Variants in KDM1A observed in about 807,000 individuals in gnomAD.
KDM1A encodes the protein lysine demethylase 1A, also known as lysine-specific histone demethylase 1A.
In KDM1A, 49 loss-of-function variants were observed where a neutral mutation model predicts 109.4. The ratio of observed to expected loss-of-function variants is 0.45; its 90% CI spans 0.36 to 0.57. The LOEUF (loss-of-function observed/expected upper bound fraction) is 0.57, where lower values mean the gene tolerates loss of function less well. KDM1A is among the 20% of genes least tolerant of loss of function. The probability of loss-of-function intolerance (pLI) is 0.00; values close to 1 mark genes in which losing one functional copy is unlikely to be tolerated. For synonymous variants in KDM1A, 380 were observed against 415.4 expected, an observed-to-expected ratio of 0.91 and a Z score of 1.04; for missense variants, 668 against 1,116.6, an observed-to-expected ratio of 0.60 and a Z score of 5.73.
chr1:23,075,399 T>C (rs1192727647), intron 15 of KDM1A, among the ~76,000 whole-genome samples: 1 of 149,036 alleles, frequency 6.7e-6, no homozygotes, highest in Non-Finnish European at 1.5e-5. Flanking sequence ...AGCCTGGCCC[T>C]GTCTCTACTA....
intron 15 of KDM1A, among the ~76,000 whole-genome samples, chr1:23,076,255 C>G (rs752137784): frequency 1.6e-4 from 24 of 151,498 alleles, no homozygotes; most frequent in African/African-American, 5.8e-4. Context: ...TACCAGCTTA[C>G]AAAAAAAATG....
At chr1:23,058,919 A>T (rs1642918117) in intron 8 of KDM1A, among the ~76,000 whole-genome samples, 154 bp from the exon 9 acceptor site, 1 of 151,196 alleles carries the variant, frequency 6.6e-6, no homozygotes, top group Non-Finnish European at 1.5e-5. Context: ...TTTGTCTTAC[A>T]TATTTTTACT....
intron 4 of KDM1A, among the ~76,000 whole-genome samples, chr1:23,052,325 TAGG>T (rs935318760): frequency 6.6e-6 from 1 of 152,152 alleles, no homozygotes; most frequent in Non-Finnish European, 1.5e-5. Context: ...TGTTATTTTG[TAGG>T]AGGAGGAGGA....
chr1:23,020,050 C>A (rs769657133), intron 1 of KDM1A, 103 bp downstream of exon 1: 7 of 1,219,146 alleles, frequency 5.7e-6, no homozygotes, highest in Non-Finnish European at 6.4e-6. Flanking sequence ...CCTGCGACCA[C>A]TCAGACCTCC....
intron 1 of KDM1A, among the ~76,000 whole-genome samples, chr1:23,030,112 CTA>C (rs1641937482): frequency 6.6e-6 from 1 of 152,146 alleles, no homozygotes; most frequent in Non-Finnish European, 1.5e-5. Context: ...TTCTAGTTAA[CTA>C]TATTTTTGTC....
intron 15 of KDM1A, among the ~76,000 whole-genome samples, chr1:23,076,446 AC>A (rs1030697978): frequency 7.2e-5 from 11 of 152,108 alleles, no homozygotes; most frequent in Non-Finnish European, 1.2e-4. Context: ...TCAACTTCAA[AC>A]CTGTAAATTT....
chr1:23,040,116 T>C (rs1642263016), intron 2 of KDM1A, among the ~76,000 whole-genome samples: 1 of 152,232 alleles, frequency 6.6e-6, no homozygotes. Flanking sequence ...TTATCTTCTA[T>C]TGGAAAATCG....
At chr1:23,063,857 G>T (rs548019761) in intron 9 of KDM1A, among the ~76,000 whole-genome samples, 1 of 152,228 alleles carries the variant, frequency 6.6e-6, no homozygotes, top group African/African-American at 2.4e-5. Flanking sequence ...GGTGGGAGTG[G>T]GGGGAAGACA....
chr1:23,057,992 T>C (rs1423675959), intron 8 of KDM1A: 1 of 154,576 alleles, frequency 6.5e-6, no homozygotes, highest in Non-Finnish European at 1.4e-5. Context: ...TTGGCCAGGA[T>C]GGTCTCGATC....
chr1:23,023,735 C>T (rs1398057776), intron 1 of KDM1A, among the ~76,000 whole-genome samples: 3 of 152,198 alleles, frequency 2.0e-5, no homozygotes, highest in African/African-American at 7.2e-5. Context: ...AAAAGGGCTG[C>T]TGGGATTCTG....
chr1:23,056,009 G>C lies in KDM1A; in HGVS notation c.961G>C (p.Gly321Arg). ...AGCAGCTCGACAGTTACAAAGTTTT[G>C]GAATGGATGTCACACTTTTGGAAGC... is the stretch of plus-strand genomic sequence containing the variant. Reference protein sequence around the residue: ...LAAARQLQSFGMDVTLLEARD... With the variant: ...LAAARQLQSFRMDVTLLEARD... Residue 321 changes from glycine (G) to arginine (R), a missense_variant, in exon 7 of 21, where the codon GGA (glycine) becomes CGA (arginine). Gly to Arg is a moderately radical substitution (Grantham distance 125). Coordinates refer to ENST00000400181, the MANE Select transcript of KDM1A (RefSeq NM_001009999.3). 6.2e-7 allele frequency: 1 copy of C among 1,612,472 alleles called. No individual in the cohort carries two copies. Among genetic ancestry groups the C allele is most frequent in the Non-Finnish European group, 8.5e-7 (1 of 1,178,972 alleles).
At chr1:23,064,784 G>C (rs552307524) in intron 9 of KDM1A, among the ~76,000 whole-genome samples, 1 of 152,270 alleles carries the variant, frequency 6.6e-6, no homozygotes, top group East Asian at 1.9e-4. Flanking sequence ...ATAATCTACA[G>C]GACCAAGACA....
At chr1:23,055,905 A>G in intron 6 of KDM1A, 27 bp from the exon 7 acceptor site, 1 of 1,513,728 alleles carries the variant, frequency 6.6e-7, no homozygotes, top group East Asian at 2.3e-5. Flanking sequence ...CTAAAACAAA[A>G]TCTTTTTTTT....
intron 2 of KDM1A, among the ~76,000 whole-genome samples, chr1:23,032,887 G>A (rs1170301834): frequency 2.0e-5 from 3 of 152,152 alleles, no homozygotes; most frequent in Non-Finnish European, 4.4e-5. Context: ...CTTGAGAGAA[G>A]ATATAGGTTT....
chr1:23,050,525 G>C lies in KDM1A; in HGVS notation c.711+5G>C. 6.3e-7 allele frequency: 1 copy of C among 1,596,178 alleles called. No homozygotes were observed. Among genetic ancestry groups the C allele is most frequent in the Non-Finnish European group, 8.5e-7 (1 of 1,172,644 alleles). ...CTTTTCATTAGAAACCGCACAGTAAGTTTCCATTTCAGCTTTTTCACCTGG... is the reference window on the plus strand; with the variant it reads ...CTTTTCATTAGAAACCGCACAGTAACTTTCCATTTCAGCTTTTTCACCTGG... On this transcript the variant is annotated splice_donor_5th_base_variant and intron_variant, in intron 4 of 20. Transcript: ENST00000400181.
intron 2 of KDM1A, among the ~76,000 whole-genome samples, chr1:23,039,095 C>G (rs1642234061): frequency 6.6e-6 from 1 of 152,202 alleles, no homozygotes; most frequent in African/African-American, 2.4e-5. Flanking sequence ...TTATTACTTC[C>G]ATGCTATTTT....
intron 1 of KDM1A, among the ~76,000 whole-genome samples, chr1:23,028,987 T>G (rs1641894051): frequency 6.6e-6 from 1 of 152,188 alleles, no homozygotes; most frequent in Non-Finnish European, 1.5e-5. Context: ...TTAAATAAGA[T>G]TCTTAGAGCA....
intron 1 of KDM1A, among the ~76,000 whole-genome samples, chr1:23,029,396 CAAT>C (rs1641907443): frequency 6.6e-6 from 1 of 152,130 alleles, no homozygotes; most frequent in Non-Finnish European, 1.5e-5. Context: ...TAGGAAGTCA[CAAT>C]GATGATTTGA....
intron 15 of KDM1A, among the ~76,000 whole-genome samples, chr1:23,075,189 G>A (rs6426783): frequency 0.15 from 22,829 of 152,066 alleles, 1,849 homozygotes; most frequent in Middle Eastern, 0.29. Flanking sequence ...AGTGAGCAGG[G>A]CTATACCATC....
Sources: allele counts gnomAD v4.1 joint callset (sites outside exome capture counted in the v4.1 genomes callset), GRCh38; gene constraint gnomAD v4.1.1; transcripts MANE v1.5; gene names NCBI Gene and HGNC (gene_info 2026-07-23, HGNC 2026-07-21).